Variants in HS3ST4 observed in about 807,000 individuals in gnomAD.
HS3ST4 encodes the protein heparan sulfate glucosamine 3-O-sulfotransferase 4.
Under a neutral mutation model 29.2 loss-of-function variants are expected in HS3ST4, and 17 were observed. That is an observed-to-expected ratio of 0.58 (90% CI 0.40 to 0.87). The LOEUF (loss-of-function observed/expected upper bound fraction) is 0.87, where lower values mean the gene tolerates loss of function less well. Among genes scored for constraint, HS3ST4 ranks in the 40% least tolerant of loss-of-function variants. HS3ST4 has a pLI of 0.00. For synonymous variants in HS3ST4, 314 were observed against 285.7 expected, an observed-to-expected ratio of 1.10 and a Z score of -1.00; for missense variants, 627 against 634.5, an observed-to-expected ratio of 0.99 and a Z score of 0.13.
chr16:26,027,722 C>A (rs1027434731), intron 1 of HS3ST4, among the ~76,000 whole-genome samples: 6 of 152,190 alleles, frequency 3.9e-5, no homozygotes, highest in African/African-American at 1.4e-4. Flanking sequence ...ATAATAATCA[C>A]AGCAACTATA....
chr16:25,789,456 TTCCTTCC>T (rs747063225), intron 1 of HS3ST4, among the ~76,000 whole-genome samples: 1,476 of 55,286 alleles, frequency 0.027, 43 homozygotes, highest in Middle Eastern at 0.041. Context: ...CCTTCCTTCC[TTCCTTCC>T]TTCCTTCTTT....
chr16:26,094,532 A>G (rs969018495), intron 1 of HS3ST4, among the ~76,000 whole-genome samples: 2 of 152,226 alleles, frequency 1.3e-5, no homozygotes, highest in African/African-American at 4.8e-5. Context: ...TAAGTGAAGG[A>G]GAAATAGAAT....
chr16:26,092,533 G>A (rs1680817724), intron 1 of HS3ST4, among the ~76,000 whole-genome samples: 2 of 152,306 alleles, frequency 1.3e-5, no homozygotes, highest in African/African-American at 4.8e-5. Context: ...GATATGACAT[G>A]AGACTTGGTA....
chr16:25,937,250 G>A (rs1279694640), intron 1 of HS3ST4, among the ~76,000 whole-genome samples: 2 of 152,234 alleles, frequency 1.3e-5, no homozygotes, highest in African/African-American at 2.4e-5. Context: ...GGTAAGAATG[G>A]CACCAATATC....
intron 1 of HS3ST4, among the ~76,000 whole-genome samples, chr16:26,082,521 G>T (rs539341097): frequency 1.3e-5 from 2 of 152,078 alleles, no homozygotes; most frequent in Non-Finnish European, 1.5e-5. Flanking sequence ...TTTCTGCACC[G>T]TTATGTCCTC....
At chr16:25,811,791 T>A (rs533732579) in intron 1 of HS3ST4, among the ~76,000 whole-genome samples, 6 of 152,340 alleles carry the variant, frequency 3.9e-5, no homozygotes, top group African/African-American at 1.4e-4. Context: ...ATAATAAAAA[T>A]AACATACATG....
intron 1 of HS3ST4, among the ~76,000 whole-genome samples, chr16:26,066,129 C>T (rs565036910): frequency 9.2e-5 from 14 of 152,250 alleles, no homozygotes; most frequent in African/African-American, 3.1e-4. Flanking sequence ...ATGCAAGGCA[C>T]GAGTAAGACC....
rs181617917 is a variant in HS3ST4, at chr16:25,718,073, G to A, written c.734+24922G>A. ...GGTTTGTGGCTGGCTTGTGTAACAGGATGGGAGAATGATGGTTTTATTCAC... is the reference window on the plus strand; with the variant it reads ...GGTTTGTGGCTGGCTTGTGTAACAGAATGGGAGAATGATGGTTTTATTCAC... On this transcript the variant is annotated intron_variant, in intron 1 of 1. Coordinates refer to ENST00000331351, the MANE Select transcript of HS3ST4 (RefSeq NM_006040.3). 1.5e-3 allele frequency among the ~76,000 whole-genome samples: 236 copies of A among 152,292 alleles called. 1 individual carries two copies. The highest frequency in any genetic ancestry group is 2.7e-3 in the Admixed American group (41 of 15,302).
At chr16:25,957,883 ATCAACAGGTGGCTGTTGGCTGGTGTG>A in intron 1 of HS3ST4, among the ~76,000 whole-genome samples, 1 of 133,350 alleles carries the variant, frequency 7.5e-6, no homozygotes, top group Non-Finnish European at 1.8e-5. Context: ...TGGTGTGGGG[ATCAACAGGTGGCTGTTGGCTGGTGTG>A]GGGATCAACA....
At chr16:25,951,392 A>G (rs959921631) in intron 1 of HS3ST4, among the ~76,000 whole-genome samples, 1 of 151,972 alleles carries the variant, frequency 6.6e-6, no homozygotes, top group African/African-American at 2.4e-5. Context: ...ACATCACTTA[A>G]CCTCTCTGAG....
intron 1 of HS3ST4, among the ~76,000 whole-genome samples, chr16:25,714,253 C>T (rs1966436860): frequency 6.6e-6 from 1 of 152,184 alleles, no homozygotes; most frequent in East Asian, 1.9e-4. Context: ...GGCTCATCAT[C>T]CTCCTTCCCG....
intron 1 of HS3ST4, among the ~76,000 whole-genome samples, chr16:25,840,159 A>G (rs1010548943): frequency 3.3e-5 from 5 of 152,226 alleles, no homozygotes; most frequent in African/African-American, 1.2e-4. Context: ...TCACTGGTGC[A>G]TGATTGGAGA....
At chr16:25,924,593 C>A in intron 1 of HS3ST4, among the ~76,000 whole-genome samples, 1 of 152,212 alleles carries the variant, frequency 6.6e-6, no homozygotes, top group East Asian at 1.9e-4. Flanking sequence ...TCATATGTTA[C>A]CCCATTTAAG....
intron 1 of HS3ST4, among the ~76,000 whole-genome samples, chr16:25,922,538 C>A (rs1968364074): frequency 6.6e-6 from 1 of 152,210 alleles, no homozygotes. Flanking sequence ...CTGACTAAGA[C>A]ACTGGTCACC....
chr16:25,938,411 A>T (rs1968539046), intron 1 of HS3ST4, among the ~76,000 whole-genome samples: 1 of 152,162 alleles, frequency 6.6e-6, no homozygotes, highest in Non-Finnish European at 1.5e-5. Flanking sequence ...GAAAAAAATA[A>T]GTGTGCATCT....
chr16:25,734,517 A>G (rs1200026146), intron 1 of HS3ST4, among the ~76,000 whole-genome samples: 1 of 152,154 alleles, frequency 6.6e-6, no homozygotes, highest in Non-Finnish European at 1.5e-5. Flanking sequence ...TCATTCATCC[A>G]ATAAATATTT....
intron 1 of HS3ST4, among the ~76,000 whole-genome samples, chr16:25,732,234 C>G (rs1966574544): frequency 6.6e-6 from 1 of 152,188 alleles, no homozygotes. Context: ...CCCCTACCCC[C>G]CAAACCCTTG....
At chr16:25,761,593 A>G (rs573863990) in intron 1 of HS3ST4, among the ~76,000 whole-genome samples, 9 of 152,320 alleles carry the variant, frequency 5.9e-5, no homozygotes, top group African/African-American at 2.2e-4. Context: ...TCAGCCTAAC[A>G]TGAAGATTGA....
chr16:26,019,896 A>T (rs565650820), intron 1 of HS3ST4, among the ~76,000 whole-genome samples: 19 of 152,150 alleles, frequency 1.2e-4, no homozygotes, highest in Admixed American at 4.6e-4. Context: ...CAGCCACCAC[A>T]ATTGCTACTT....
Sources: allele counts gnomAD v4.1 joint callset (sites outside exome capture counted in the v4.1 genomes callset), GRCh38; gene constraint gnomAD v4.1.1; transcripts MANE v1.5; gene names NCBI Gene and HGNC (gene_info 2026-07-23, HGNC 2026-07-21).